Variants in CSPP1 observed in about 807,000 individuals in gnomAD.
CSPP1 encodes centrosome and spindle pole-associated protein 1.
In CSPP1, 126 loss-of-function variants were observed where a neutral mutation model predicts 164.4. That is an observed-to-expected ratio of 0.77 (90% CI 0.66 to 0.89). CSPP1 has a LOEUF of 0.89. CSPP1 is among the 40% of genes least tolerant of loss of function. The pLI is 0.00. For missense variants in CSPP1, 1,395 were observed against 1,449.8 expected (o/e 0.96, Z 0.61); for synonymous variants, 472 against 476.7 (o/e 0.99, Z 0.13).
chr8:67,121,613 A>G lies in CSPP1; in HGVS notation c.1697+2792A>G, dbSNP rs1472942646. On this transcript the variant is annotated intron_variant, in intron 15 of 30. Transcript: ENST00000678616. ...AGTTTTGCATCAGTGTTCATATGTG[A>G]TCTTGTTGTAGTTTCCTTATACTGT... Among the ~76,000 whole-genome samples the G allele has an allele frequency of 3.3e-5, 5 of 152,170 alleles. No individual in the cohort carries two copies. In the East Asian group the frequency reaches 7.7e-4, roughly 23 times the overall value.
intron 10 of CSPP1, among the ~76,000 whole-genome samples, 199 bp downstream of exon 10, chr8:67,112,264 G>T (rs762044293): frequency 1.4e-5 from 2 of 143,070 alleles, no homozygotes; most frequent in African/African-American, 5.2e-5. Flanking sequence ...GTCATAAGTA[G>T]CAAGTGAGAG....
At chr8:67,109,859 T>C (rs1816458374) in intron 9 of CSPP1, among the ~76,000 whole-genome samples, 1 of 152,028 alleles carries the variant, frequency 6.6e-6, no homozygotes, top group East Asian at 1.9e-4. Flanking sequence ...TTAAAAAGCT[T>C]TTGTAAGAAA....
At chr8:67,182,379 A>G (rs993589341) in intron 28 of CSPP1, among the ~76,000 whole-genome samples, 1 of 152,038 alleles carries the variant, frequency 6.6e-6, no homozygotes, top group African/African-American at 2.4e-5. Context: ...TTGTTTATCC[A>G]ATCATCTGTC....
chr8:67,188,483 G>T (rs1835299057), intron 28 of CSPP1, among the ~76,000 whole-genome samples: 1 of 152,340 alleles, frequency 6.6e-6, no homozygotes, highest in African/African-American at 2.4e-5. Context: ...TGAGAGCACA[G>T]GGGGAGGGAC....
intron 28 of CSPP1, among the ~76,000 whole-genome samples, chr8:67,181,520 G>C (rs1050829805): frequency 5.9e-5 from 9 of 151,940 alleles, no homozygotes; most frequent in Non-Finnish European, 1.3e-4. Context: ...TTGGAGTATT[G>C]CATGACACTA....
At chr8:67,080,199 TCTA>T (rs1158341861) in intron 3 of CSPP1, among the ~76,000 whole-genome samples, 1 of 152,134 alleles carries the variant, frequency 6.6e-6, no homozygotes, top group Non-Finnish European at 1.5e-5. Flanking sequence ...AAAAAACAGG[TCTA>T]ATATAGGTCA....
At chr8:67,127,403 C>T (rs1820299638) in intron 15 of CSPP1, among the ~76,000 whole-genome samples, 1 of 152,048 alleles carries the variant, frequency 6.6e-6, no homozygotes, top group African/African-American at 2.4e-5. Context: ...TCTGGTCTTT[C>T]CCCCACTCCA....
Position 67,186,402 on chromosome 8 carries a change from CCTCA to C in CSPP1, c.3221-4245_3221-4242del, listed in dbSNP as rs373408247. Among the ~76,000 whole-genome samples, 409 of 138,450 alleles carry C rather than the reference CCTCA, an allele frequency of 3.0e-3. 3 individuals are homozygous for C. The highest frequency in any genetic ancestry group is 0.012 in the African/African-American group (401 of 34,238). The allele number at this position is 138,450 out of a possible 152,430, so 90.8% of individuals were successfully genotyped here. A position where few individuals can be genotyped will look rare whatever the true frequency, so the allele number is the denominator to read the frequency against. On this transcript the variant is annotated intron_variant, in intron 28 of 30. Coordinates refer to ENST00000678616, the MANE Select transcript of CSPP1 (RefSeq NM_001382391.1). Reference sequence around the variant, plus strand: ...GACAAAAATATACATGTGAAATAAACCTCACTGTTTTAAATTAAAAAAAAAAAAA... The same window carrying C: ...GACAAAAATATACATGTGAAATAAACCTGTTTTAAATTAAAAAAAAAAAAA...
At chr8:67,158,743 T>C (rs1233582830) in intron 20 of CSPP1, 147 bp downstream of exon 20, 1 of 1,155,922 alleles carries the variant, frequency 8.7e-7, no homozygotes, top group East Asian at 2.7e-5. Context: ...GGATATTATT[T>C]TATTAAGGTG....
chr8:67,088,211 G>A (rs1006748881), intron 4 of CSPP1, among the ~76,000 whole-genome samples: 2 of 152,106 alleles, frequency 1.3e-5, no homozygotes, highest in Non-Finnish European at 2.9e-5. Flanking sequence ...GGGGACATGA[G>A]AAGAAATTGC....
intron 21 of CSPP1, 41 bp downstream of exon 21, chr8:67,159,178 A>C: frequency 6.5e-7 from 1 of 1,537,630 alleles, no homozygotes; most frequent in Non-Finnish European, 8.8e-7. Flanking sequence ...CCATAGTTTA[A>C]CTCACTTTCA....
chr8:67,159,860 CTTTCTTTCTT>C (rs1455638071), intron 21 of CSPP1, among the ~76,000 whole-genome samples: 1 of 24,624 alleles, frequency 4.1e-5, no homozygotes. Context: ...CTTTTTCTTT[CTTTCTTTCTT>C]TCTTTCTTTC....
intron 7 of CSPP1, among the ~76,000 whole-genome samples, chr8:67,099,107 A>AT (rs1212215573): frequency 1.3e-5 from 2 of 151,856 alleles, no homozygotes; most frequent in East Asian, 1.9e-4. Flanking sequence ...GGAGAAAAAT[A>AT]TTTTTTTCAT....
At chr8:67,120,967 G>A (rs1322504091) in intron 15 of CSPP1, among the ~76,000 whole-genome samples, 1 of 151,476 alleles carries the variant, frequency 6.6e-6, no homozygotes, top group Non-Finnish European at 1.5e-5. Flanking sequence ...GATTCTTCTG[G>A]CTCAGCCTCC....
intron 1 of CSPP1, among the ~76,000 whole-genome samples, chr8:67,072,609 T>C (rs1807047874): frequency 6.6e-6 from 1 of 151,644 alleles, no homozygotes; most frequent in Non-Finnish European, 1.5e-5. Flanking sequence ...GGCAGGAGGA[T>C]CACTTGAGTC....
intron 21 of CSPP1, among the ~76,000 whole-genome samples, chr8:67,159,919 TCTTTCCTTTC>T (rs1339666701): frequency 3.4e-5 from 2 of 59,336 alleles, no homozygotes; most frequent in African/African-American, 1.4e-4. Flanking sequence ...TTTCTTTCTT[TCTTTCCTTTC>T]CTTCCTTCCT....
intron 9 of CSPP1, among the ~76,000 whole-genome samples, chr8:67,108,708 C>T (rs1040594810): frequency 2.0e-5 from 3 of 152,106 alleles, no homozygotes; most frequent in Non-Finnish European, 4.4e-5. Flanking sequence ...GCATCTGGGC[C>T]TCAGGGATGG....
chr8:67,166,782 T>G (rs1283082202), intron 24 of CSPP1, among the ~76,000 whole-genome samples: 1 of 152,032 alleles, frequency 6.6e-6, no homozygotes, highest in Admixed American at 6.6e-5. Flanking sequence ...AGGGGGATTT[T>G]GTAGGGTCAT....
At chr8:67,066,415 T>C (rs78532427) in intron 1 of CSPP1, among the ~76,000 whole-genome samples, 3,496 of 152,154 alleles carry the variant, frequency 0.023, 149 homozygotes, top group African/African-American at 0.08. Context: ...CTTCTAAAGC[T>C]CTTTCACTGG....
Sources: gnomAD v4.1 joint callset for allele counts (sites outside exome capture counted in the v4.1 genomes callset) on GRCh38, gnomAD v4.1.1 for gene constraint, MANE v1.5 for transcripts, NCBI Gene and HGNC (gene_info 2026-07-23, HGNC 2026-07-21) for gene names.